Variants in CDK7 observed in about 807,000 individuals in gnomAD.
The protein encoded by CDK7 is cyclin-dependent kinase 7.
A neutral mutation model predicts 49.1 loss-of-function variants in CDK7; 25 were observed. The observed-to-expected ratio is 0.51, with a 90% confidence interval of 0.37 to 0.71. CDK7 has a LOEUF of 0.71. CDK7 is among the 30% of genes least tolerant of loss of function. The pLI is 0.00. For synonymous variants in CDK7, 107 were observed against 140.0 expected, an observed-to-expected ratio of 0.76 and a Z score of 1.67; for missense variants, 316 against 411.7, an observed-to-expected ratio of 0.77 and a Z score of 2.01.
chr5:69,268,584 G>A (rs1211584881), intron 8 of CDK7, among the ~76,000 whole-genome samples: 1 of 152,214 alleles, frequency 6.6e-6, no homozygotes, highest in Non-Finnish European at 1.5e-5. Context: ...CAGGCATGGT[G>A]GCTGACGCCT....
At chr5:69,249,727 T>C (rs757699082) in intron 2 of CDK7, among the ~76,000 whole-genome samples, 2 of 152,060 alleles carry the variant, frequency 1.3e-5, no homozygotes, top group Admixed American at 6.6e-5. Flanking sequence ...ATGCCTGTAA[T>C]TCCAGCTACC....
At chr5:69,235,267 G>A in intron 1 of CDK7, 127 bp from the exon 2 acceptor site, 3 of 818,556 alleles carry the variant, frequency 3.7e-6, no homozygotes, top group Non-Finnish European at 6.2e-6. Context: ...AGACTGACCC[G>A]CCACGTTTCC....
chr5:69,268,328 T>C (rs566431919), intron 8 of CDK7, among the ~76,000 whole-genome samples: 1 of 152,330 alleles, frequency 6.6e-6, no homozygotes, highest in Admixed American at 6.5e-5. Context: ...GCAGGGAATG[T>C]CTCGTTTTCC....
intron 3 of CDK7, among the ~76,000 whole-genome samples, chr5:69,252,774 G>T (rs974458124): frequency 7.2e-5 from 11 of 152,132 alleles, no homozygotes; most frequent in African/African-American, 2.7e-4. Context: ...CTCCCAAAGT[G>T]CTGGGATTAC....
intron 7 of CDK7, among the ~76,000 whole-genome samples, chr5:69,260,449 C>T (rs1335535933): frequency 6.6e-6 from 1 of 152,088 alleles, no homozygotes; most frequent in Non-Finnish European, 1.5e-5. Flanking sequence ...CAAACAGAGT[C>T]TAACTTAATC....
chr5:69,241,411 C>T (rs984127887), intron 2 of CDK7, among the ~76,000 whole-genome samples: 3 of 147,084 alleles, frequency 2.0e-5, no homozygotes, highest in Non-Finnish European at 4.5e-5. Context: ...ACCTCCGCCT[C>T]CTGGGTTCAA....
intron 2 of CDK7, among the ~76,000 whole-genome samples, chr5:69,249,392 T>C (rs1221356294): frequency 6.6e-6 from 1 of 150,694 alleles, no homozygotes; most frequent in Non-Finnish European, 1.5e-5. Context: ...TATAGAAAAA[T>C]TAGCTTGACA....
In CDK7 at chr5:69,277,276, A is replaced by G; in HGVS notation, c.*141A>G. ...TGTAAAATATGTAAAACTATGGGTTATTTTTATTAAATGTATTTTAAAATA... is the reference window on the plus strand; with the variant it reads ...TGTAAAATATGTAAAACTATGGGTTGTTTTTATTAAATGTATTTTAAAATA... On this transcript the variant is annotated 3_prime_UTR_variant, in exon 12 of 12. Coordinates refer to ENST00000256443, the MANE Select transcript of CDK7 (RefSeq NM_001799.4). The G allele has an allele frequency of 2.1e-6, 1 of 471,922 alleles. No individual in the cohort carries two copies. Among genetic ancestry groups the G allele is most frequent in the South Asian group, 7.3e-5 (1 of 13,772 alleles). 29.2% of individuals were successfully genotyped at this position (471,922 alleles called of 1,614,324 possible). A position where few individuals can be genotyped will look rare whatever the true frequency, so the allele number is the denominator to read the frequency against.
At chr5:69,255,686 T>C in intron 5 of CDK7, 158 bp downstream of exon 5, 1 of 683,736 alleles carries the variant, frequency 1.5e-6, no homozygotes, top group South Asian at 1.5e-5. Context: ...TCTCTAGTTA[T>C]TTTCTTCTAA....
chr5:69,266,187 C>T (rs926961147), intron 8 of CDK7, among the ~76,000 whole-genome samples: 2 of 152,178 alleles, frequency 1.3e-5, no homozygotes, highest in Non-Finnish European at 2.9e-5. Context: ...GAAGAGGCTG[C>T]GGCGGCGAAG....
chr5:69,268,869 G>T (rs59515371), intron 8 of CDK7, among the ~76,000 whole-genome samples: 2 of 144,356 alleles, frequency 1.4e-5, no homozygotes, highest in Admixed American at 1.4e-4. Flanking sequence ...TAAGGCTGGC[G>T]TGGTGGCTCA....
At chr5:69,261,623 C>T (rs543837968) in intron 7 of CDK7, among the ~76,000 whole-genome samples, 9 of 151,898 alleles carry the variant, frequency 5.9e-5, no homozygotes, top group African/African-American at 9.7e-5. Flanking sequence ...CTCTGCCTCC[C>T]GGGTTCAAGC....
chr5:69,246,101 A>AT (rs1377661023), intron 2 of CDK7, among the ~76,000 whole-genome samples: 6 of 151,112 alleles, frequency 4.0e-5, no homozygotes, highest in Admixed American at 6.6e-5. Context: ...GGCAGGAGAG[A>AT]TTTTTTTTTC....
chr5:69,257,430 T>TA (rs1183399206), intron 5 of CDK7, among the ~76,000 whole-genome samples: 2 of 152,252 alleles, frequency 1.3e-5, no homozygotes, highest in African/African-American at 4.8e-5. Context: ...AACTCAGTCT[T>TA]ACGCTTTAAC....
At chr5:69,252,475 A>G in intron 3 of CDK7, 24 bp downstream of exon 3, 2 of 1,137,462 alleles carry the variant, frequency 1.8e-6, no homozygotes, top group Non-Finnish European at 2.5e-6. Context: ...GTAATCTGAC[A>G]GATAGGAAAA....
chr5:69,237,217 C>A (rs1344516238), intron 2 of CDK7, among the ~76,000 whole-genome samples: 4 of 152,054 alleles, frequency 2.6e-5, no homozygotes, highest in Non-Finnish European at 4.4e-5. Context: ...CCTTCCACCC[C>A]AGCCTCCAAG....
intron 5 of CDK7, chr5:69,255,821 G>A (rs764506314): frequency 2.3e-4 from 69 of 302,480 alleles, no homozygotes; most frequent in Non-Finnish European, 3.8e-4. Context: ...TATAAGATTT[G>A]TTTGCTTTTT....
chr5:69,264,420 C>T (rs189654806), intron 8 of CDK7, among the ~76,000 whole-genome samples: 3 of 152,242 alleles, frequency 2.0e-5, no homozygotes, highest in Admixed American at 2.0e-4. Context: ...TGGTACATAC[C>T]TGTGGTCCCA....
chr5:69,262,488 G>A (rs1179248336), intron 8 of CDK7, among the ~76,000 whole-genome samples, 184 bp downstream of exon 8: 1 of 152,008 alleles, frequency 6.6e-6, no homozygotes, highest in African/African-American at 2.4e-5. Flanking sequence ...GGCCAACATG[G>A]TGAAACCCCA....
Sources: allele counts gnomAD v4.1 joint callset (sites outside exome capture counted in the v4.1 genomes callset), GRCh38; gene constraint gnomAD v4.1.1; transcripts MANE v1.5; gene names NCBI Gene and HGNC (gene_info 2026-07-23, HGNC 2026-07-21).